The following ST8SIA5 variants were observed in gnomAD, a reference collection of about 807,000 sequenced individuals.
ST8SIA5 encodes the protein alpha-2,8-sialyltransferase 8E.
ST8SIA5 carries 24 observed loss-of-function variants against 40.2 expected under a neutral mutation model. That is an observed-to-expected ratio of 0.60 (90% CI 0.43 to 0.84). The LOEUF is 0.84. ST8SIA5 is among the 40% of genes least tolerant of loss of function. ST8SIA5 has a pLI of 0.00. For missense variants in ST8SIA5, 465 were observed against 498.5 expected, an observed-to-expected ratio of 0.93 and a Z score of 0.64; for synonymous variants, 198 against 201.8, an observed-to-expected ratio of 0.98 and a Z score of 0.16.
intron 2 of ST8SIA5, among the ~76,000 whole-genome samples, chr18:46,696,049 G>A (rs1696263034): frequency 6.6e-6 from 1 of 152,212 alleles, no homozygotes; most frequent in African/African-American, 2.4e-5. Flanking sequence ...GAGTGATCAG[G>A]GAAGGCTTTC....
intron 2 of ST8SIA5, among the ~76,000 whole-genome samples, chr18:46,698,420 C>G (rs1229832559): frequency 1.3e-5 from 2 of 151,594 alleles, no homozygotes; most frequent in African/African-American, 4.9e-5. Context: ...TCAAAACAAT[C>G]CCACAACTCA....
intron 1 of ST8SIA5, among the ~76,000 whole-genome samples, chr18:46,709,159 C>T (rs2039697851): frequency 6.6e-6 from 1 of 152,206 alleles, no homozygotes; most frequent in Admixed American, 6.5e-5. Flanking sequence ...CATGTTTAAA[C>T]TTAATCCACA....
intron 5 of ST8SIA5, chr18:46,685,929 C>T (rs1204025885): frequency 5.8e-6 from 3 of 519,452 alleles, no homozygotes; most frequent in Non-Finnish European, 6.9e-6. Context: ...GCCTTCAAAT[C>T]TGTGATGTCC....
intron 1 of ST8SIA5, among the ~76,000 whole-genome samples, chr18:46,734,828 C>T (rs952282885): frequency 6.6e-6 from 1 of 152,152 alleles, no homozygotes; most frequent in South Asian, 2.1e-4. Context: ...CCTGCCCTAC[C>T]CCAAGAGAGC....
chr18:46,682,478 G>A (rs886116166), intron 5 of ST8SIA5, among the ~76,000 whole-genome samples: 7 of 152,216 alleles, frequency 4.6e-5, no homozygotes, highest in Admixed American at 4.6e-4. Context: ...CCTGTGGCAG[G>A]AGAAGAGCTA....
chr18:46,711,105 T>C (rs1054952666), intron 1 of ST8SIA5, among the ~76,000 whole-genome samples: 2 of 152,074 alleles, frequency 1.3e-5, no homozygotes, highest in Non-Finnish European at 1.5e-5. Flanking sequence ...CACTAGCCCA[T>C]ATAGCGCCTC....
intron 4 of ST8SIA5, among the ~76,000 whole-genome samples, chr18:46,688,497 C>T (rs1009880308): frequency 1.1e-4 from 16 of 152,182 alleles, no homozygotes; most frequent in African/African-American, 3.6e-4. Context: ...GCAGGATATC[C>T]TCTGCAAGCA....
At chr18:46,702,156 A>AC (rs1419058125) in intron 2 of ST8SIA5, among the ~76,000 whole-genome samples, 5 of 151,698 alleles carry the variant, frequency 3.3e-5, no homozygotes, top group East Asian at 3.9e-4. Flanking sequence ...CAAAAAAAAA[A>AC]AAAAAACAGA....
chr18:46,689,889 TATA>T (rs1408181185), intron 3 of ST8SIA5, among the ~76,000 whole-genome samples: 1 of 150,238 alleles, frequency 6.7e-6, no homozygotes, highest in Admixed American at 6.6e-5. Context: ...ATGCCTGGCC[TATA>T]ATGTTTTTTT....
intron 1 of ST8SIA5, among the ~76,000 whole-genome samples, chr18:46,746,490 C>A (rs1183108817): frequency 6.6e-6 from 1 of 152,048 alleles, no homozygotes; most frequent in Non-Finnish European, 1.5e-5. Flanking sequence ...GAATAAAATA[C>A]CTAGGAATCC....
At chr18:46,737,325 C>T (rs9675666) in intron 1 of ST8SIA5, among the ~76,000 whole-genome samples, 6,928 of 152,170 alleles carry the variant, frequency 0.046, 496 homozygotes, top group African/African-American at 0.15. Flanking sequence ...CACAAAATTG[C>T]GAGTTTATTT....
chr18:46,706,415 C>T (rs1299680159), intron 1 of ST8SIA5, among the ~76,000 whole-genome samples: 2 of 148,962 alleles, frequency 1.3e-5, no homozygotes, highest in African/African-American at 4.9e-5. Context: ...TCCTCTGACC[C>T]TGACCCTGGG....
At chr18:46,698,072 A>G (rs1175524913) in intron 2 of ST8SIA5, among the ~76,000 whole-genome samples, 1 of 152,152 alleles carries the variant, frequency 6.6e-6, no homozygotes, top group Non-Finnish European at 1.5e-5. Flanking sequence ...CACCACACCA[A>G]CAATCAAACC....
chr18:46,682,146 G>A, intron 5 of ST8SIA5, 82 bp from the exon 6 acceptor site: 2 of 1,083,536 alleles, frequency 1.8e-6, no homozygotes, highest in Non-Finnish European at 1.3e-6. Flanking sequence ...GGGGAGGGAT[G>A]GTGATCATGT....
chr18:46,708,968 C>T (rs550651852), intron 1 of ST8SIA5, among the ~76,000 whole-genome samples: 6 of 152,314 alleles, frequency 3.9e-5, no homozygotes, highest in African/African-American at 1.4e-4. Flanking sequence ...CTATTCCATG[C>T]CTGAGTCTAA....
chr18:46,754,732 G>A (rs1449020400), intron 1 of ST8SIA5, among the ~76,000 whole-genome samples: 2 of 152,340 alleles, frequency 1.3e-5, no homozygotes, highest in South Asian at 2.1e-4. Context: ...AGGTAGTTTG[G>A]TTGGCGTTTG....
intron 1 of ST8SIA5, among the ~76,000 whole-genome samples, chr18:46,725,755 AG>A (rs907700272): frequency 6.6e-6 from 1 of 151,696 alleles, no homozygotes; most frequent in Admixed American, 6.6e-5. Flanking sequence ...AGCTAAGGAT[AG>A]GATCTATTAT....
chr18:46,696,906 A>G (rs549590846), intron 2 of ST8SIA5, among the ~76,000 whole-genome samples: 9 of 152,326 alleles, frequency 5.9e-5, no homozygotes, highest in Admixed American at 3.3e-4. Context: ...AGGATGACAC[A>G]GCCCAAGTAC....
Position 46,674,745 on chromosome 18 carries a change from G to C in ST8SIA5, c.*5297C>G, listed in dbSNP as rs2039329869. The C allele has an allele frequency of 6.6e-6, 1 of 152,522 alleles. No individual in the cohort carries two copies. The highest frequency in any genetic ancestry group is 1.5e-5 in the Non-Finnish European group (1 of 68,318). 9.4% of individuals were successfully genotyped at this position (152,522 alleles called of 1,614,324 possible). On this transcript the variant is annotated 3_prime_UTR_variant, in exon 7 of 7. Transcript: ENST00000315087. ...ATGGTTGCAGCAGAAGCACAGAGGA[G>C]AGAGTGCCCAGCCCAGGTCTCTAGA...
Sources: allele counts gnomAD v4.1 joint callset (sites outside exome capture counted in the v4.1 genomes callset), GRCh38; gene constraint gnomAD v4.1.1; transcripts MANE v1.5; gene names NCBI Gene and HGNC (gene_info 2026-07-23, HGNC 2026-07-21).